TNFRSF13B: variants seen among roughly 807,000 people sequenced by gnomAD.
TNFRSF13B encodes the protein tumor necrosis factor receptor superfamily member 13B.
A neutral mutation model predicts 24.0 loss-of-function variants in TNFRSF13B; 34 were observed. The observed-to-expected ratio is 1.41, with a 90% confidence interval of 1.08 to 1.88. The LOEUF is 1.88. TNFRSF13B is among the 40% of genes most tolerant of loss of function. TNFRSF13B has a pLI of 0.00. For synonymous variants in TNFRSF13B, 173 were observed against 150.3 expected (o/e 1.15, Z -1.10); for missense variants, 415 against 380.8 (o/e 1.09, Z -0.75).
At chr17:16,954,196 A>G (rs892315716) in intron 1 of TNFRSF13B, among the ~76,000 whole-genome samples, 1 of 152,190 alleles carries the variant, frequency 6.6e-6, no homozygotes, top group Non-Finnish European at 1.5e-5. Context: ...GGAGTTCAAG[A>G]TCAGCCTGAG....
At chr17:16,952,190 G>A (rs1267159346) in intron 2 of TNFRSF13B, among the ~76,000 whole-genome samples, 1 of 152,234 alleles carries the variant, frequency 6.6e-6, no homozygotes, top group East Asian at 1.9e-4. Flanking sequence ...GAGGGAAGAT[G>A]ATAGAGGGAA....
intron 1 of TNFRSF13B, among the ~76,000 whole-genome samples, chr17:16,961,507 A>G (rs529218886): frequency 1.3e-5 from 2 of 152,370 alleles, no homozygotes; most frequent in South Asian, 4.1e-4. Flanking sequence ...CAAATATTGT[A>G]CAATTTCCCT....
chr17:16,962,640 T>G (rs2143679664), intron 1 of TNFRSF13B, among the ~76,000 whole-genome samples: 1 of 151,982 alleles, frequency 6.6e-6, no homozygotes, highest in Middle Eastern at 3.4e-3. Context: ...ACAAATAAGG[T>G]GGAGATGTGG....
At chr17:16,946,746 T>C (rs1439076990) in intron 3 of TNFRSF13B, among the ~76,000 whole-genome samples, 1 of 151,808 alleles carries the variant, frequency 6.6e-6, no homozygotes, top group East Asian at 1.9e-4. Flanking sequence ...CACCACCAGA[T>C]CCAGCTAATT....
chr17:16,949,694 T>C (rs1475233615), intron 2 of TNFRSF13B, among the ~76,000 whole-genome samples: 2 of 152,060 alleles, frequency 1.3e-5, no homozygotes, highest in African/African-American at 4.8e-5. Context: ...TAATTTTTTT[T>C]TTTTTTTTGA....
chr17:16,949,114 A>G, intron 2 of TNFRSF13B, 131 bp from the exon 3 acceptor site: 2 of 1,219,848 alleles, frequency 1.6e-6, no homozygotes, highest in African/African-American at 1.5e-5. Flanking sequence ...AGAGTAAGCC[A>G]AGTACTTTTA....
chr17:16,965,221 C>T (rs1032934704), intron 1 of TNFRSF13B, among the ~76,000 whole-genome samples: 2 of 152,030 alleles, frequency 1.3e-5, no homozygotes, highest in African/African-American at 2.4e-5. Flanking sequence ...ATTCTTTCCC[C>T]TCAGCTTCCC....
intron 1 of TNFRSF13B, among the ~76,000 whole-genome samples, chr17:16,958,046 C>G (rs1430409086): frequency 6.6e-6 from 1 of 151,716 alleles, no homozygotes; most frequent in East Asian, 1.9e-4. Context: ...GATTGCAAAC[C>G]TATGTTAGTG....
chr17:16,942,832 A>G (rs1220656271), intron 3 of TNFRSF13B, among the ~76,000 whole-genome samples: 1 of 152,254 alleles, frequency 6.6e-6, no homozygotes, highest in African/African-American at 2.4e-5. Flanking sequence ...CACCCAGAGC[A>G]CAGTCACCTG....
At chr17:16,961,208 TA>T (rs1468508098) in intron 1 of TNFRSF13B, among the ~76,000 whole-genome samples, 1 of 152,034 alleles carries the variant, frequency 6.6e-6, no homozygotes, top group Non-Finnish European at 1.5e-5. Flanking sequence ...AAGACAAACA[TA>T]AAACTACCAC....
In TNFRSF13B at chr17:16,972,006, G is replaced by A; in HGVS notation, c.61+9C>T. On this transcript the variant is annotated intron_variant, in intron 1 of 4. Coordinates refer to ENST00000261652, the MANE Select transcript of TNFRSF13B (RefSeq NM_012452.3). Reference sequence around the variant, plus strand: ...ACCTGCCCTCCTGCCCTCCTGCCCGGCTACTCACAGCGCTCCTCCTGGTCC... The same window carrying A: ...ACCTGCCCTCCTGCCCTCCTGCCCGACTACTCACAGCGCTCCTCCTGGTCC... 6.2e-7 allele frequency: 1 copy of A among 1,613,934 alleles called. No homozygotes were observed. Among genetic ancestry groups the A allele is most frequent in the Non-Finnish European group, 8.5e-7 (1 of 1,179,986 alleles).
At chr17:16,958,825 G>T (rs1239279997) in intron 1 of TNFRSF13B, among the ~76,000 whole-genome samples, 1 of 151,942 alleles carries the variant, frequency 6.6e-6, no homozygotes, top group Non-Finnish European at 1.5e-5. Flanking sequence ...AACAAAAATT[G>T]ACAGAGTTGA....
intron 1 of TNFRSF13B, among the ~76,000 whole-genome samples, chr17:16,955,223 T>C (rs569127295): frequency 6.6e-6 from 1 of 152,296 alleles, no homozygotes; most frequent in South Asian, 2.1e-4. Context: ...TCACCTGATA[T>C]GGGAGCACTG....
rs769182186 is a variant in TNFRSF13B, at chr17:16,952,506, A to T, written c.139T>A (p.Cys47Ser). 2.5e-6 allele frequency: 4 copies of T among 1,614,060 alleles called. No individual in the cohort carries two copies. The East Asian group carries it at 6.7e-5, about 27-fold the overall frequency. The change falls in exon 2 of 5, where the codon TGC becomes AGC. Residue 47 changes from cysteine to serine, a missense_variant. By Grantham distance (112) the Cys-to-Ser change is moderately radical (BLOSUM62 -1). Coordinates refer to ENST00000261652, the MANE Select transcript of TNFRSF13B (RefSeq NM_012452.3). ...TTGCAAATGGTTTTGCAGGACATGC[A>T]GGTACCCAGCAGAGGATCCCAGTAC... ...EQYWDPLLGT[C>S]MSCKTICNHQ... is the part of the protein sequence containing the mutation.
At chr17:16,946,187 C>T (rs149883863) in intron 3 of TNFRSF13B, among the ~76,000 whole-genome samples, 66 of 152,348 alleles carry the variant, frequency 4.3e-4, no homozygotes, top group Admixed American at 1.2e-3. Flanking sequence ...GCTGGGCAAC[C>T]TCCATCATCA....
chr17:16,953,032 C>A (rs1004645859), intron 1 of TNFRSF13B, among the ~76,000 whole-genome samples: 1 of 152,242 alleles, frequency 6.6e-6, no homozygotes, highest in African/African-American at 2.4e-5. Context: ...TTCTGACTCA[C>A]CCCCTAGACT....
chr17:16,948,900 G>C lies in TNFRSF13B; in HGVS notation c.283C>G (p.Gln95Glu), dbSNP rs549493928. 8.7e-6 allele frequency: 14 copies of C among 1,614,112 alleles called. No homozygotes were observed. In the South Asian group the frequency reaches 1.4e-4, roughly 16 times the overall value. Residue 95 changes from glutamine (Q) to glutamate (E), a missense_variant, in exon 3 of 5, where the codon CAG becomes GAG. By Grantham distance (29) the Gln-to-Glu change is conservative (BLOSUM62 2). Transcript: ENST00000261652. ...DCISCASICG[Q>E]HPKQCAYFCE... ...AAGTATGCACATTGCTTAGGGTGCT[G>C]TCCACAGATGGAGGCACAGCTGATG...
Position 16,948,837 on chromosome 17 carries a change from GTGGAAGGTTCAC to G in TNFRSF13B, c.334_345del (p.Val112_Pro115del). 6.2e-7 allele frequency: 1 copy of G among 1,614,242 alleles called. No individual in the cohort carries two copies. Among genetic ancestry groups the G allele is most frequent in the Non-Finnish European group, 8.5e-7 (1 of 1,180,036 alleles). On this transcript the variant is annotated inframe_deletion, in exon 3 of 5. Transcript: ENST00000261652. ...CCACTCCGCTGTCTCCTGAGCTCTGGTGGAAGGTTCACTGGGCTCCTGAGCTTGTTCTCACAG... is the reference window on the plus strand; with the variant it reads ...CCACTCCGCTGTCTCCTGAGCTCTGGTGGGCTCCTGAGCTTGTTCTCACAG...
At chr17:16,949,755 G>A (rs942712279) in intron 2 of TNFRSF13B, among the ~76,000 whole-genome samples, 18 of 150,056 alleles carry the variant, frequency 1.2e-4, no homozygotes, top group Admixed American at 1.3e-4. Context: ...GCACGATCTC[G>A]GCTCACTGCA....
Sources: allele counts gnomAD v4.1 joint callset (sites outside exome capture counted in the v4.1 genomes callset), GRCh38; gene constraint gnomAD v4.1.1; transcripts MANE v1.5; gene names NCBI Gene and HGNC (gene_info 2026-07-23, HGNC 2026-07-21).